ATAD2B: variants seen among roughly 807,000 people sequenced by gnomAD.
ATAD2B encodes ATPase family AAA domain-containing protein 2B.
ATAD2B carries 40 observed loss-of-function variants against 167.6 expected under a neutral mutation model. That is an observed-to-expected ratio of 0.24 (90% CI 0.19 to 0.31). ATAD2B has a LOEUF of 0.31. ATAD2B is among the 10% of genes least tolerant of loss of function. The pLI is 1.00. For missense variants in ATAD2B, 1,242 were observed against 1,757.2 expected (o/e 0.71, Z 5.24); for synonymous variants, 579 against 596.5 (o/e 0.97, Z 0.43).
chr2:23,704,008 G>T, the ATAD2B span: 1 of 999,504 alleles, frequency 1.0e-6, no homozygotes, highest in Non-Finnish European at 1.4e-6. Context: ...ACAGGAGTGG[G>T]CATTAGCCCA....
intron 1 of ATAD2B, among the ~76,000 whole-genome samples, chr2:23,906,324 G>A (rs897273903): frequency 2.6e-5 from 4 of 151,854 alleles, no homozygotes; most frequent in Admixed American, 1.3e-4. Flanking sequence ...CTGGGCAAGA[G>A]AGGAAGACTC....
At chr2:23,764,425 C>A (rs942288716) in intron 23 of ATAD2B, among the ~76,000 whole-genome samples, 3 of 152,172 alleles carry the variant, frequency 2.0e-5, no homozygotes, top group Non-Finnish European at 4.4e-5. Flanking sequence ...TAGGTCTAAG[C>A]TGAAGTGGGT....
chr2:23,744,065 C>T (rs913850475), downstream of ATAD2B, among the ~76,000 whole-genome samples: 1 of 152,102 alleles, frequency 6.6e-6, no homozygotes, highest in Admixed American at 6.6e-5. Context: ...AATGCAAATA[C>T]TGAATAATGA....
intron 18 of ATAD2B, among the ~76,000 whole-genome samples, chr2:23,808,094 T>TATATATATAAGTAATTATATATATAATG (rs1684877810): frequency 1.5e-5 from 2 of 133,510 alleles, no homozygotes; most frequent in Non-Finnish European, 3.1e-5. Flanking sequence ...TATATATAAT[T>TATATATATAAGTAATTATATATATAATG]ATATATATAA....
chr2:23,764,520 C>T (rs758824559), intron 23 of ATAD2B, among the ~76,000 whole-genome samples: 68 of 152,208 alleles, frequency 4.5e-4, no homozygotes, highest in Non-Finnish European at 8.1e-4. Flanking sequence ...AAATATTTAC[C>T]GAAAACCTGT....
chr2:23,715,273 C>T, the ATAD2B span, among the ~76,000 whole-genome samples: 1 of 152,094 alleles, frequency 6.6e-6, no homozygotes, highest in African/African-American at 2.4e-5. Context: ...CTAGTATTGT[C>T]ATTAAAATAT....
chr2:23,913,277 T>C (rs1702559398), intron 1 of ATAD2B, among the ~76,000 whole-genome samples: 1 of 152,190 alleles, frequency 6.6e-6, no homozygotes, highest in Non-Finnish European at 1.5e-5. Context: ...TTAGACAGGC[T>C]AACAATTTGA....
intron 1 of ATAD2B, among the ~76,000 whole-genome samples, chr2:23,924,005 AC>A (rs1257665636): frequency 4.6e-5 from 7 of 152,090 alleles, no homozygotes; most frequent in Admixed American, 4.6e-4. Context: ...ACACCGTGAA[AC>A]CCCGTCTCTA....
At chr2:23,716,042 A>G in the ATAD2B span, among the ~76,000 whole-genome samples, 1 of 152,244 alleles carries the variant, frequency 6.6e-6, no homozygotes, top group African/African-American at 2.4e-5. Flanking sequence ...AATACTTTGC[A>G]CTCATTAAAA....
At chr2:23,840,970 G>A (rs551908636) in intron 13 of ATAD2B, among the ~76,000 whole-genome samples, 9 of 152,194 alleles carry the variant, frequency 5.9e-5, no homozygotes, top group East Asian at 3.9e-4. Context: ...ACAGTGGCAC[G>A]ATCATGGTTC....
At chr2:23,696,502 C>A in the ATAD2B span, 1 of 1,530,680 alleles carries the variant, frequency 6.5e-7, no homozygotes, top group South Asian at 1.3e-5. This position sits in a 1 kb window ranked among gnomAD's most constrained non-coding sequence, Gnocchi z 5.5. Flanking sequence ...GCAACGTGGA[C>A]CACGTGGAGA....
intron 10 of ATAD2B, among the ~76,000 whole-genome samples, chr2:23,866,297 C>G (rs1351582843): frequency 6.6e-6 from 1 of 152,010 alleles, no homozygotes; most frequent in Non-Finnish European, 1.5e-5. Context: ...CCCAGCTACT[C>G]GGGAGGCTGA....
the ATAD2B span, among the ~76,000 whole-genome samples, chr2:23,736,922 T>G: frequency 3.9e-5 from 6 of 152,200 alleles, no homozygotes; most frequent in African/African-American, 1.4e-4. Context: ...GAGGGTCCTA[T>G]GCCCAAGGAG....
chr2:23,790,356 A>G (rs1375846658), intron 19 of ATAD2B, among the ~76,000 whole-genome samples: 1 of 152,222 alleles, frequency 6.6e-6, no homozygotes, highest in Non-Finnish European at 1.5e-5. Flanking sequence ...GAAATCACTT[A>G]TATCAATTGG....
At chr2:23,684,590 G>A in the ATAD2B span, 1 of 1,466,746 alleles carries the variant, frequency 6.8e-7, no homozygotes, top group Non-Finnish European at 9.1e-7. The surrounding 1 kb of genome is among the most constrained non-coding windows in gnomAD (Gnocchi z 4.4). Flanking sequence ...GGACGCTTTT[G>A]TGTCGCTTTT....
chr2:23,742,676 CA>C, the ATAD2B span, among the ~76,000 whole-genome samples: 1 of 151,694 alleles, frequency 6.6e-6, no homozygotes, highest in Admixed American at 6.6e-5. Flanking sequence ...GCATGTTGTG[CA>C]CATGTACCCT....
At chr2:23,852,637 G>A (rs1349807912) in intron 13 of ATAD2B, among the ~76,000 whole-genome samples, 1 of 152,160 alleles carries the variant, frequency 6.6e-6, no homozygotes. Context: ...CTAAAATTCA[G>A]GCCAGGCGCA....
chr2:23,748,796 A>T lies in ATAD2B; in HGVS notation c.*3250T>A, dbSNP rs1675065671. The T allele has an allele frequency of 6.6e-6, 1 of 152,176 alleles. No individual in the cohort carries two copies. The highest frequency in any genetic ancestry group is 2.4e-5 in the African/African-American group (1 of 41,450). 9.4% of individuals were successfully genotyped at this position (152,176 alleles called of 1,614,324 possible). A position where few individuals can be genotyped will look rare whatever the true frequency, so the allele number is the denominator to read the frequency against. On this transcript the variant is annotated 3_prime_UTR_variant, in exon 28 of 28. Coordinates refer to ENST00000238789, the MANE Select transcript of ATAD2B (RefSeq NM_017552.4). Reference sequence around the variant, plus strand: ...TGTCAAATGAAGTCAAATGCAAAACATCAATTTAACACAATTCTAAATTAA... The same window carrying T: ...TGTCAAATGAAGTCAAATGCAAAACTTCAATTTAACACAATTCTAAATTAA...
At chr2:23,754,044 G>A (rs1675668109) in intron 27 of ATAD2B, 135 bp downstream of exon 27, 1 of 707,628 alleles carries the variant, frequency 1.4e-6, no homozygotes, top group Non-Finnish European at 2.2e-6. Flanking sequence ...AATGATTTTT[G>A]TCTTAAATCT....
Sources: allele counts gnomAD v4.1 joint callset (sites outside exome capture counted in the v4.1 genomes callset), GRCh38; gene constraint gnomAD v4.1.1; non-coding constraint Gnocchi (gnomAD v3.1); transcripts MANE v1.5; gene names NCBI Gene and HGNC (gene_info 2026-07-23, HGNC 2026-07-21).